The following RALYL variants were observed in gnomAD, a reference collection of about 807,000 sequenced individuals.
RALYL encodes RNA-binding Raly-like protein.
In RALYL, 29 loss-of-function variants were observed where a neutral mutation model predicts 35.1. The observed-to-expected ratio is 0.83, with a 90% CI of 0.61 to 1.13. RALYL has a LOEUF of 1.13. RALYL is among the 50% of genes most tolerant of loss of function. The probability of loss-of-function intolerance (pLI) is 0.00; values close to 1 mark genes in which losing one functional copy is unlikely to be tolerated. For synonymous variants in RALYL, 120 were observed against 127.6 expected (o/e 0.94, Z 0.40); for missense variants, 359 against 360.4 (o/e 1.00, Z 0.03).
chr8:84,570,372 C>A (rs543561881), intron 2 of RALYL, among the ~76,000 whole-genome samples: 11 of 151,468 alleles, frequency 7.3e-5, no homozygotes, highest in African/African-American at 2.2e-4. Flanking sequence ...CTTGATTTTG[C>A]TCTCAGCTTG....
chr8:84,663,195 G>A (rs1233063625), intron 2 of RALYL, among the ~76,000 whole-genome samples: 1 of 152,074 alleles, frequency 6.6e-6, no homozygotes, highest in Admixed American at 6.6e-5. Flanking sequence ...ACTATTCCAT[G>A]GTATATATGT....
intron 2 of RALYL, among the ~76,000 whole-genome samples, chr8:84,753,159 T>G (rs1161399080): frequency 6.6e-6 from 1 of 152,204 alleles, no homozygotes; most frequent in Non-Finnish European, 1.5e-5. Flanking sequence ...GAGATTATTT[T>G]GGAGTTTTAA....
chr8:84,669,399 C>T (rs1043992929), intron 2 of RALYL, among the ~76,000 whole-genome samples: 9 of 150,464 alleles, frequency 6.0e-5, no homozygotes, highest in Non-Finnish European at 1.0e-4. Context: ...GGTACCCGTG[C>T]AGGTTTGTTA....
chr8:84,513,949 G>A (rs1013772731), intron 1 of RALYL, among the ~76,000 whole-genome samples: 12 of 151,796 alleles, frequency 7.9e-5, no homozygotes, highest in African/African-American at 2.7e-4. Flanking sequence ...TTAAAAATTA[G>A]CCAGGCATGG....
chr8:84,280,557 A>G (rs1014116489), intron 1 of RALYL, among the ~76,000 whole-genome samples: 1 of 151,864 alleles, frequency 6.6e-6, no homozygotes, highest in African/African-American at 2.4e-5. Context: ...ACTTAGTAAT[A>G]TATTTTTATT....
intron 2 of RALYL, among the ~76,000 whole-genome samples, chr8:84,571,227 G>T (rs751550748): frequency 6.6e-6 from 1 of 151,690 alleles, no homozygotes; most frequent in Non-Finnish European, 1.5e-5. Context: ...TTTTAGCTAT[G>T]AATCCATCTG....
intron 2 of RALYL, among the ~76,000 whole-genome samples, chr8:84,722,364 A>T (rs904145857): frequency 6.6e-6 from 1 of 151,932 alleles, no homozygotes; most frequent in Non-Finnish European, 1.5e-5. Context: ...TGATAAATTC[A>T]TATCAACCTT....
intron 2 of RALYL, among the ~76,000 whole-genome samples, chr8:84,758,708 TC>T (rs1419634134): frequency 6.6e-6 from 1 of 152,166 alleles, no homozygotes; most frequent in African/African-American, 2.4e-5. Flanking sequence ...AAAGACACCA[TC>T]TTTTTATGAC....
intron 1 of RALYL, among the ~76,000 whole-genome samples, chr8:84,528,246 T>C (rs1327384351): frequency 6.6e-6 from 1 of 152,140 alleles, no homozygotes; most frequent in African/African-American, 2.4e-5. Flanking sequence ...TGTTACCTTG[T>C]TGAAATTTTA....
chr8:84,873,093 G>A (rs1840517398), intron 6 of RALYL, 191 bp from the exon 7 acceptor site: 4 of 428,108 alleles, frequency 9.3e-6, no homozygotes, highest in African/African-American at 2.0e-5. Flanking sequence ...CTGAGAATCC[G>A]TATTTGTAAT....
At chr8:84,219,178 C>A (rs368075412) in intron 1 of RALYL, among the ~76,000 whole-genome samples, 2 of 151,968 alleles carry the variant, frequency 1.3e-5, no homozygotes, top group Non-Finnish European at 2.9e-5. Context: ...CCCATAATCC[C>A]CACGTGTCAA....
chr8:84,455,030 C>T (rs1372873407), intron 1 of RALYL, among the ~76,000 whole-genome samples: 11 of 151,940 alleles, frequency 7.2e-5, no homozygotes, highest in Admixed American at 2.0e-4. Flanking sequence ...GGTAACTATA[C>T]ATAGTATAAT....
intron 1 of RALYL, among the ~76,000 whole-genome samples, chr8:84,367,318 ATT>A (rs56387511): frequency 3.6e-5 from 1 of 27,400 alleles, no homozygotes; most frequent in Non-Finnish European, 9.9e-5. Flanking sequence ...TAATTTTTGT[ATT>A]TTTTTTTTTT....
intron 1 of RALYL, among the ~76,000 whole-genome samples, chr8:84,220,394 A>G (rs1821910464): frequency 1.3e-5 from 2 of 152,016 alleles, no homozygotes; most frequent in Admixed American, 1.3e-4. Flanking sequence ...GAAATATGGT[A>G]TATTTTTGTC....
intron 3 of RALYL, among the ~76,000 whole-genome samples, chr8:84,780,372 C>A (rs1253221287): frequency 2.0e-5 from 3 of 152,258 alleles, no homozygotes; most frequent in Admixed American, 2.0e-4. Flanking sequence ...TCCTGTGCAA[C>A]CAAATTACTA....
intron 2 of RALYL, among the ~76,000 whole-genome samples, chr8:84,741,373 A>G (rs1807259910): frequency 6.6e-6 from 1 of 151,964 alleles, no homozygotes; most frequent in Non-Finnish European, 1.5e-5. Flanking sequence ...TGTAACAAAT[A>G]CCTCAGACTG....
At chr8:84,619,897 T>C (rs1177138957) in intron 2 of RALYL, among the ~76,000 whole-genome samples, 4 of 151,242 alleles carry the variant, frequency 2.6e-5, no homozygotes, top group Admixed American at 6.6e-5. Context: ...AAAATTCTTT[T>C]CTTTAAGAAT....
chr8:84,357,771 ATATATATT>A (rs528010177), intron 1 of RALYL, among the ~76,000 whole-genome samples: 6 of 147,324 alleles, frequency 4.1e-5, no homozygotes, highest in South Asian at 2.1e-4. Flanking sequence ...ATATATAAAT[ATATATATT>A]TATATATTTA....
intron 1 of RALYL, among the ~76,000 whole-genome samples, chr8:84,351,133 A>C (rs1003142008): frequency 5.3e-5 from 8 of 150,538 alleles, no homozygotes; most frequent in African/African-American, 2.0e-4. Flanking sequence ...GTGTTACATT[A>C]AAGTAAAATG....
Sources: allele counts gnomAD v4.1 joint callset (sites outside exome capture counted in the v4.1 genomes callset), GRCh38; gene constraint gnomAD v4.1.1; transcripts MANE v1.5; gene names NCBI Gene and HGNC (gene_info 2026-07-23, HGNC 2026-07-21).